The following KCNQ1 variants were observed in gnomAD, a reference collection of about 807,000 sequenced individuals.
KCNQ1 encodes the protein potassium voltage-gated channel subfamily Q member 1, also known as potassium voltage-gated channel subfamily KQT member 1.
KCNQ1 carries 49 observed loss-of-function variants against 72.4 expected under a neutral mutation model. That is an observed-to-expected ratio of 0.68 (90% confidence interval 0.54 to 0.86). KCNQ1 has a LOEUF of 0.86. KCNQ1 is among the 40% of genes least tolerant of loss of function. The pLI is 0.00. For synonymous variants in KCNQ1, 450 were observed against 412.6 expected, an observed-to-expected ratio of 1.09 and a Z score of -1.10; for missense variants, 790 against 945.1, an observed-to-expected ratio of 0.84 and a Z score of 2.15.
intron 1 of KCNQ1, among the ~76,000 whole-genome samples, chr11:2,503,466 A>G (rs193165487): frequency 2.7e-5 from 4 of 148,848 alleles, no homozygotes; most frequent in South Asian, 2.1e-4. Flanking sequence ...GCATGTTCTC[A>G]CTCATAGGTG....
Position 2,445,593 on chromosome 11 carries a change from AGAG to A in KCNQ1, c.386+114_386+116del, listed in dbSNP as rs1589884671. On this transcript the variant is annotated intron_variant, in intron 1 of 15. Transcript: ENST00000155840. ...CCCGTCGGAGCTGCGACCCCGGAGCAGAGGAGGGAAGGAAGTGGGGAAACGCAG... is the reference window on the plus strand; with the variant it reads ...CCCGTCGGAGCTGCGACCCCGGAGCAGAGGGAAGGAAGTGGGGAAACGCAG... 2.4e-6 allele frequency: 3 copies of A among 1,273,884 alleles called. No individual in the cohort carries two copies. In the East Asian group the frequency reaches 7.5e-5, roughly 32 times the overall value. 78.9% of individuals were successfully genotyped at this position (1,273,884 alleles called of 1,614,324 possible). A position where few individuals can be genotyped will look rare whatever the true frequency, so the allele number is the denominator to read the frequency against.
chr11:2,661,931 T>G lies in KCNQ1; in HGVS notation c.1394-30T>G. The G allele has an allele frequency of 6.2e-7, 1 of 1,614,016 alleles. No individual in the cohort carries two copies. The highest frequency in any genetic ancestry group is 8.5e-7 in the Non-Finnish European group (1 of 1,180,024). On this transcript the variant is annotated intron_variant, in intron 10 of 15. Transcript: ENST00000155840. This position sits in a 1 kb window ranked among gnomAD's most constrained non-coding sequence, Gnocchi z 5.9. Reference sequence around the variant, plus strand: ...GCACTGGCAGGTTGGGTGGGAGGCCTAACGTGCTGTCCCCACACTTTCTCC... The same window carrying G: ...GCACTGGCAGGTTGGGTGGGAGGCCGAACGTGCTGTCCCCACACTTTCTCC...
At chr11:2,453,651 T>C (rs1290130386) in intron 1 of KCNQ1, among the ~76,000 whole-genome samples, 1 of 152,192 alleles carries the variant, frequency 6.6e-6, no homozygotes, top group Non-Finnish European at 1.5e-5. Context: ...TGGCATTTGC[T>C]GGTAGGCATG....
intron 1 of KCNQ1, among the ~76,000 whole-genome samples, chr11:2,459,939 G>T (rs1005330635): frequency 6.6e-5 from 10 of 151,904 alleles, no homozygotes; most frequent in African/African-American, 2.4e-4. Flanking sequence ...GTGTGGTTTC[G>T]CAGTCTTTCA....
intron 1 of KCNQ1, among the ~76,000 whole-genome samples, chr11:2,487,799 T>A (rs1280785501): frequency 6.6e-6 from 1 of 152,204 alleles, no homozygotes; most frequent in Non-Finnish European, 1.5e-5. Context: ...GAGATTATGT[T>A]ATCTGTGAAT....
Position 2,691,512 on chromosome 11 carries a change from C to T in KCNQ1, c.1514+29431C>T, listed in dbSNP as rs575537291. 1.5e-5 allele frequency: 6 copies of T among 397,978 alleles called. No individual in the cohort carries two copies. The highest frequency in any genetic ancestry group is 1.2e-4 in the African/African-American group (6 of 48,120). 24.7% of individuals were successfully genotyped at this position (397,978 alleles called of 1,614,324 possible). Reference sequence around the variant, plus strand: ...CTATTCAAGGCCATTTTTCAGCTTGCTTGGCTTTGCATTAAAGTTGGGGGG... The same window carrying T: ...CTATTCAAGGCCATTTTTCAGCTTGTTTGGCTTTGCATTAAAGTTGGGGGG... On this transcript the variant is annotated intron_variant, in intron 11 of 15. Transcript: ENST00000155840. This position sits in a 1 kb window ranked among gnomAD's most constrained non-coding sequence, Gnocchi z 6.4.
Position 2,695,220 on chromosome 11 carries a change from T to C in KCNQ1, c.1514+33139T>C, listed in dbSNP as rs777554147. 4 of 398,516 alleles carry C rather than the reference T, an allele frequency of 1.0e-5. No individual in the cohort carries two copies. The highest frequency in any genetic ancestry group is 1.8e-5 in the Non-Finnish European group (4 of 226,100). The allele number at this position is 398,516 out of a possible 1,614,324, so 24.7% of individuals were successfully genotyped here. A position where few individuals can be genotyped will look rare whatever the true frequency, so the allele number is the denominator to read the frequency against. ...CACTGTCACCCTGTAAGGGTCTGCA[T>C]AAAGTCACCGCTCTCTTCCTCTCCA... is the stretch of plus-strand genomic sequence containing the variant. On this transcript the variant is annotated intron_variant, in intron 11 of 15. Coordinates refer to ENST00000155840, the MANE Select transcript of KCNQ1 (RefSeq NM_000218.3). The surrounding 1 kb of genome is among the most constrained non-coding windows in gnomAD (Gnocchi z 5.2).
chr11:2,489,819 A>C (rs2412093), intron 1 of KCNQ1, among the ~76,000 whole-genome samples: 2,761 of 152,186 alleles, frequency 0.018, 89 homozygotes, highest in African/African-American at 0.064. Context: ...GTCTTGTCAG[A>C]ATTCATCATC....
At chr11:2,684,946 G>C (rs1850458822) in intron 11 of KCNQ1, 5 of 398,566 alleles carry the variant, frequency 1.3e-5, no homozygotes, top group Admixed American at 4.4e-5. Flanking sequence ...TGTTATCTTT[G>C]TACCTGGTAA....
chr11:2,698,665 G>GC lies in KCNQ1; in HGVS notation c.1514+36590dup. On this transcript the variant is annotated intron_variant, in intron 11 of 15. Coordinates refer to ENST00000155840, the MANE Select transcript of KCNQ1 (RefSeq NM_000218.3). The surrounding 1 kb of genome is among the most constrained non-coding windows in gnomAD (Gnocchi z 5.1). The stretch of plus-strand genomic sequence containing the variant: ...CCCAATCCCAATCTCTTAACTCAGA[G>GC]CCCCCCATTCAGAACCTCTACCCAA... The GC allele has an allele frequency of 5.0e-6, 2 of 398,202 alleles. No individual in the cohort carries two copies. Among genetic ancestry groups the GC allele is most frequent in the Admixed American group, 8.8e-5 (2 of 22,668 alleles). The allele number at this position is 398,202 out of a possible 1,614,324, so 24.7% of individuals were successfully genotyped here. A position where few individuals can be genotyped will look rare whatever the true frequency, so the allele number is the denominator to read the frequency against.
At position 2,547,852 on chromosome 11, in the gene KCNQ1, G is replaced by T. The variant is rs1175042668; in HGVS notation, c.477+19834G>T. Among the ~76,000 whole-genome samples, 1 of 152,214 alleles carries T rather than the reference G, an allele frequency of 6.6e-6. No individual in the cohort carries two copies. The highest frequency in any genetic ancestry group is 1.5e-5 in the Non-Finnish European group (1 of 68,044). On this transcript the variant is annotated intron_variant, in intron 2 of 15. Transcript: ENST00000155840. The surrounding 1 kb of genome is among the most constrained non-coding windows in gnomAD (Gnocchi z 4.2). ...ATGGAGGTGAAGGTCCAGATGTTGG[G>T]GTTTCAGGGTCAAGCATTCCTGGCA...
Position 2,670,065 on chromosome 11 carries a change from G to T in KCNQ1, c.1514+7984G>T. The T allele has an allele frequency of 5.0e-6, 2 of 398,702 alleles. No individual in the cohort carries two copies. The highest frequency in any genetic ancestry group is 8.8e-6 in the Non-Finnish European group (2 of 226,126). The allele number at this position is 398,702 out of a possible 1,614,324, so 24.7% of individuals were successfully genotyped here. A position where few individuals can be genotyped will look rare whatever the true frequency, so the allele number is the denominator to read the frequency against. Reference sequence around the variant, plus strand: ...CTAGCACTCACTATTCTGCTCTGGGGAGGGGGTTGGAGGCAGAATCAGTGG... The same window carrying T: ...CTAGCACTCACTATTCTGCTCTGGGTAGGGGGTTGGAGGCAGAATCAGTGG... On this transcript the variant is annotated intron_variant, in intron 11 of 15. Coordinates refer to ENST00000155840, the MANE Select transcript of KCNQ1 (RefSeq NM_000218.3). The surrounding 1 kb of genome is among the most constrained non-coding windows in gnomAD (Gnocchi z 4.9).
intron 11 of KCNQ1, chr11:2,685,907 T>C: frequency 2.5e-6 from 1 of 398,796 alleles, no homozygotes; most frequent in Non-Finnish European, 4.4e-6. Flanking sequence ...TCTCCACGGA[T>C]GAGCCTGACC....
chr11:2,632,994 A>G (rs1849387743), intron 10 of KCNQ1: 1 of 398,514 alleles, frequency 2.5e-6, no homozygotes, highest in Non-Finnish European at 4.4e-6. Context: ...AAAACACCAC[A>G]GTATTTTCCA....
At chr11:2,796,022 A>G (rs1265736450) in intron 15 of KCNQ1, among the ~76,000 whole-genome samples, 1 of 151,932 alleles carries the variant, frequency 6.6e-6, no homozygotes, top group African/African-American at 2.4e-5. Flanking sequence ...AGCCACCGAC[A>G]TTTCTTAGAT....
chr11:2,520,106 A>G (rs968288282), intron 1 of KCNQ1, among the ~76,000 whole-genome samples: 77 of 152,342 alleles, frequency 5.1e-4, no homozygotes, highest in African/African-American at 1.8e-3. Flanking sequence ...CCATGGCACC[A>G]AGTGGTGGCG....
At chr11:2,607,031 T>C (rs998350833) in intron 10 of KCNQ1, among the ~76,000 whole-genome samples, 1 of 150,924 alleles carries the variant, frequency 6.6e-6, no homozygotes, top group Admixed American at 6.6e-5. Context: ...GCCTCCCGAG[T>C]AGCTGGGACT....
chr11:2,489,772 C>T (rs968756270), intron 1 of KCNQ1, among the ~76,000 whole-genome samples: 8 of 152,078 alleles, frequency 5.3e-5, no homozygotes, highest in African/African-American at 1.9e-4. Flanking sequence ...ACACCCTGGG[C>T]CAGAAGGGAA....
Position 2,653,125 on chromosome 11 carries a change from A to T in KCNQ1, c.1394-8836A>T. On this transcript the variant is annotated intron_variant, in intron 10 of 15. Coordinates refer to ENST00000155840, the MANE Select transcript of KCNQ1 (RefSeq NM_000218.3). The surrounding 1 kb of genome is among the most constrained non-coding windows in gnomAD (Gnocchi z 5.3). ...TCACTGAAGGTTTGGGGAGATGAGGACTTGCATCACAGCAGTAGAAAGCCA... is the reference window on the plus strand; with the variant it reads ...TCACTGAAGGTTTGGGGAGATGAGGTCTTGCATCACAGCAGTAGAAAGCCA... 1 of 398,762 alleles carries T rather than the reference A, an allele frequency of 2.5e-6. No individual in the cohort carries two copies. The highest frequency in any genetic ancestry group is 4.4e-6 in the Non-Finnish European group (1 of 226,128). The allele number at this position is 398,762 out of a possible 1,614,324, so 24.7% of individuals were successfully genotyped here.
Sources: gnomAD v4.1 joint callset for allele counts (sites outside exome capture counted in the v4.1 genomes callset) on GRCh38, gnomAD v4.1.1 for gene constraint, Gnocchi (gnomAD v3.1) non-coding constraint, MANE v1.5 for transcripts, NCBI Gene and HGNC (gene_info 2026-07-23, HGNC 2026-07-21) for gene names.